The following ADCY5 variants were observed in gnomAD, a reference collection of about 807,000 sequenced individuals.
ADCY5 encodes the protein adenylate cyclase 5, also known as adenylate cyclase type 5.
ADCY5 carries 30 observed loss-of-function variants against 119.7 expected under a neutral mutation model. The ratio of observed to expected loss-of-function variants is 0.25; its 90% confidence interval spans 0.19 to 0.34. ADCY5 has a LOEUF of 0.34. Ranked by LOEUF, ADCY5 falls within the 10% of genes least tolerant of loss-of-function variation. ADCY5 has a pLI of 1.00. For synonymous variants in ADCY5, 753 were observed against 762.2 expected (o/e 0.99, Z 0.20); for missense variants, 1,324 against 1,775.2 (o/e 0.75, Z 4.57).
chr3:123,367,112 C>T (rs1943468993), intron 1 of ADCY5, among the ~76,000 whole-genome samples: 1 of 152,248 alleles, frequency 6.6e-6, no homozygotes, highest in Admixed American at 6.5e-5. Context: ...AAAAGTCCCC[C>T]ATCCAACCGT....
rs1357088525 is a variant in ADCY5, at chr3:123,448,127, G to A, written c.419C>T (p.Ala140Val). 1 of 1,041,514 alleles carries A rather than the reference G, an allele frequency of 9.6e-7. No homozygotes were observed. The allele number at this position is 1,041,514 out of a possible 1,614,324, so 64.5% of individuals were successfully genotyped here. ...CCCGCCCGCCGAGGCAGCCGCCGCC[G>A]CCGAGCCGCCGCCGCCGCCCGCAGG... ...APPAGGGGGS[A>V]AAAASAGGTE... Residue 140 changes from alanine (A) to valine (V), a missense_variant, in exon 1 of 21, where the codon GCG (alanine) becomes GTG (valine). Coordinates refer to ENST00000462833, the MANE Select transcript of ADCY5 (RefSeq NM_183357.3).
chr3:123,386,078 C>T (rs1388214943), intron 1 of ADCY5, among the ~76,000 whole-genome samples: 3 of 152,154 alleles, frequency 2.0e-5, no homozygotes, highest in African/African-American at 7.2e-5. Flanking sequence ...GGAAAGGCTT[C>T]CAGAAGATGC....
chr3:123,314,157 TG>T, intron 12 of ADCY5, 77 bp downstream of exon 12: 2 of 1,191,320 alleles, frequency 1.7e-6, no homozygotes, highest in Admixed American at 4.2e-5. Context: ...CTTCACATTT[TG>T]GGCCCCTGGG....
At chr3:123,390,407 C>G (rs762526627) in intron 1 of ADCY5, among the ~76,000 whole-genome samples, 1 of 152,214 alleles carries the variant, frequency 6.6e-6, no homozygotes, top group Non-Finnish European at 1.5e-5. Flanking sequence ...TGGAATGAGC[C>G]ATGGAGGGCC....
intron 3 of ADCY5, among the ~76,000 whole-genome samples, chr3:123,343,409 G>T (rs1463367074): frequency 6.6e-6 from 1 of 152,156 alleles, no homozygotes; most frequent in Non-Finnish European, 1.5e-5. Flanking sequence ...CTGAGGCTCC[G>T]ATTAGGTGCC....
chr3:123,372,620 T>C (rs1943678465), intron 1 of ADCY5, among the ~76,000 whole-genome samples: 1 of 152,118 alleles, frequency 6.6e-6, no homozygotes, highest in Non-Finnish European at 1.5e-5. Context: ...GAAACACACA[T>C]GCCTGCCTCC....
At chr3:123,389,918 G>GA (rs1944352731) in intron 1 of ADCY5, among the ~76,000 whole-genome samples, 1 of 151,946 alleles carries the variant, frequency 6.6e-6, no homozygotes, top group Non-Finnish European at 1.5e-5. Flanking sequence ...TCTATGGGGG[G>GA]CTACAAATAG....
chr3:123,407,506 T>C (rs1378290730), intron 1 of ADCY5, among the ~76,000 whole-genome samples: 1 of 151,484 alleles, frequency 6.6e-6, no homozygotes, highest in Non-Finnish European at 1.5e-5. Context: ...ATCTCAGCAC[T>C]TTGGGAGGCC....
chr3:123,415,939 A>G (rs543774185), intron 1 of ADCY5, among the ~76,000 whole-genome samples: 1 of 152,358 alleles, frequency 6.6e-6, no homozygotes, highest in Admixed American at 6.5e-5. Flanking sequence ...AAAAAAGAGT[A>G]AGTGAAATCA....
chr3:123,308,692 G>GTA (rs1940358749), intron 12 of ADCY5, among the ~76,000 whole-genome samples: 1 of 152,114 alleles, frequency 6.6e-6, no homozygotes, highest in East Asian at 1.9e-4. Context: ...AGCCGGGCTT[G>GTA]GTGGCAGGCA....
At chr3:123,306,314 C>T (rs1013208824) in intron 12 of ADCY5, among the ~76,000 whole-genome samples, 6 of 152,146 alleles carry the variant, frequency 3.9e-5, no homozygotes, top group African/African-American at 1.4e-4. Context: ...TGTGCTGGGA[C>T]ACACAGATAT....
At chr3:123,356,263 C>A (rs1362036654) in intron 1 of ADCY5, among the ~76,000 whole-genome samples, 1 of 151,992 alleles carries the variant, frequency 6.6e-6, no homozygotes, top group Non-Finnish European at 1.5e-5. Flanking sequence ...TATATCACAC[C>A]AAACATATAA....
intron 1 of ADCY5, among the ~76,000 whole-genome samples, chr3:123,368,442 A>G (rs1253212148): frequency 6.6e-6 from 1 of 152,176 alleles, no homozygotes; most frequent in Non-Finnish European, 1.5e-5. Flanking sequence ...CTCAAAATAC[A>G]AAAAATTAGC....
At chr3:123,309,846 G>A (rs1940442299) in intron 12 of ADCY5, among the ~76,000 whole-genome samples, 1 of 152,138 alleles carries the variant, frequency 6.6e-6, no homozygotes, top group Non-Finnish European at 1.5e-5. Context: ...TGGTTGCACA[G>A]TTAGACCCTA....
chr3:123,378,808 C>T (rs1943930198), intron 1 of ADCY5, among the ~76,000 whole-genome samples: 1 of 152,200 alleles, frequency 6.6e-6, no homozygotes, highest in Non-Finnish European at 1.5e-5. Context: ...CTCTTCATGC[C>T]TTTGTTTCCC....
chr3:123,408,106 C>T (rs1944950307), intron 1 of ADCY5, among the ~76,000 whole-genome samples: 1 of 152,108 alleles, frequency 6.6e-6, no homozygotes, highest in Non-Finnish European at 1.5e-5. Context: ...TCAGAGAATA[C>T]AAAGAGCCCT....
At chr3:123,310,083 G>C (rs1940459222) in intron 12 of ADCY5, among the ~76,000 whole-genome samples, 1 of 143,446 alleles carries the variant, frequency 7.0e-6, no homozygotes, top group Non-Finnish European at 1.5e-5. Flanking sequence ...CATCAGGCTG[G>C]GGGATAAGAG....
At chr3:123,387,101 C>T (rs1045356400) in intron 1 of ADCY5, among the ~76,000 whole-genome samples, 8 of 152,200 alleles carry the variant, frequency 5.3e-5, no homozygotes, top group Admixed American at 1.3e-4. Flanking sequence ...TTCAAGGCTG[C>T]GTCCCTATAA....
rs1284940679 is a variant in ADCY5, at chr3:123,448,236, G to T, written c.310C>A (p.Gln104Lys). 1 of 1,433,406 alleles carries T rather than the reference G, an allele frequency of 7.0e-7. No homozygotes were observed. The highest frequency in any genetic ancestry group is 9.1e-7 in the Non-Finnish European group (1 of 1,095,244). 88.8% of individuals were successfully genotyped at this position (1,433,406 alleles called of 1,614,324 possible). The change falls in exon 1 of 21, where the codon CAG (glutamine) becomes AAG (lysine). Residue 104 changes from glutamine (Q) to lysine (K), a missense_variant. Coordinates refer to ENST00000462833, the MANE Select transcript of ADCY5 (RefSeq NM_183357.3). ...GFSFRSKSAW[Q>K]ERGGDDCGRG... ...CCGCAGTCGTCGCCGCCGCGCTCCTGCCAGGCGGACTTGGAGCGGAAGCTG... is the reference window on the plus strand; with the variant it reads ...CCGCAGTCGTCGCCGCCGCGCTCCTTCCAGGCGGACTTGGAGCGGAAGCTG...
Sources: allele counts gnomAD v4.1 joint callset (sites outside exome capture counted in the v4.1 genomes callset), GRCh38; gene constraint gnomAD v4.1.1; transcripts MANE v1.5; gene names NCBI Gene and HGNC (gene_info 2026-07-23, HGNC 2026-07-21).